The following TMEM87B variants were observed in gnomAD, a reference collection of about 807,000 sequenced individuals.
The protein encoded by TMEM87B is transmembrane protein 87B.
Under a neutral mutation model 80.3 loss-of-function variants are expected in TMEM87B, and 83 were observed. That is an observed-to-expected ratio of 1.03 (90% confidence interval 0.87 to 1.24). The LOEUF (loss-of-function observed/expected upper bound fraction) is 1.24, where lower values mean the gene tolerates loss of function less well. TMEM87B is among the 50% of genes most tolerant of loss of function. The pLI is 0.00. For missense variants in TMEM87B, 625 were observed against 674.4 expected (o/e 0.93, Z 0.81); for synonymous variants, 219 against 230.5 (o/e 0.95, Z 0.45).
chr2:112,074,855 A>G (rs1678760299), intron 4 of TMEM87B, 57 bp from the exon 5 acceptor site: 3 of 1,461,526 alleles, frequency 2.1e-6, no homozygotes, highest in Non-Finnish European at 2.7e-6. Flanking sequence ...TATTAAAACA[A>G]TTTTTCTCCG....
chr2:112,102,888 A>T (rs1248665345), intron 15 of TMEM87B, among the ~76,000 whole-genome samples: 2 of 152,148 alleles, frequency 1.3e-5, no homozygotes, highest in African/African-American at 2.4e-5. Context: ...AAGATTAGGG[A>T]TAAAGTGCAA....
intron 1 of TMEM87B, 60 bp from the exon 2 acceptor site, chr2:112,059,917 T>C: frequency 6.4e-7 from 1 of 1,567,212 alleles, no homozygotes; most frequent in Non-Finnish European, 8.7e-7. Flanking sequence ...TGTTGTGGGG[T>C]AAAACAGTTG....
intron 11 of TMEM87B, chr2:112,095,307 T>C (rs1201474830): frequency 2.0e-6 from 2 of 982,932 alleles, no homozygotes; most frequent in African/African-American, 3.5e-5. Context: ...TGGATATCCT[T>C]TTCCTACCAC....
chr2:112,065,037 C>T (rs2104457222), intron 3 of TMEM87B, among the ~76,000 whole-genome samples: 1 of 152,192 alleles, frequency 6.6e-6, no homozygotes. Context: ...TGGCTCACTC[C>T]AGCCCTGAAC....
At chr2:112,056,873 A>G (rs1678087651) in intron 1 of TMEM87B, among the ~76,000 whole-genome samples, 1 of 152,186 alleles carries the variant, frequency 6.6e-6, no homozygotes, top group Non-Finnish European at 1.5e-5. Flanking sequence ...TAATTTCCTG[A>G]ACGGGAAAAA....
At chr2:112,083,477 C>T (rs1457180924) in intron 8 of TMEM87B, among the ~76,000 whole-genome samples, 1 of 152,232 alleles carries the variant, frequency 6.6e-6, no homozygotes, top group Non-Finnish European at 1.5e-5. Flanking sequence ...CCAGTGACTG[C>T]TGTATTGGAC....
At chr2:112,064,985 A>ATC (rs1558829056) in intron 3 of TMEM87B, among the ~76,000 whole-genome samples, 1 of 152,134 alleles carries the variant, frequency 6.6e-6, no homozygotes, top group East Asian at 1.9e-4. Context: ...TACATATGAG[A>ATC]TCTCTCTCTG....
intron 5 of TMEM87B, among the ~76,000 whole-genome samples, chr2:112,076,845 TGTGTGTGTGTGTGTGTGTGTG>T (rs1678833393): frequency 1.7e-4 from 2 of 11,604 alleles, no homozygotes; most frequent in African/African-American, 1.9e-3. Flanking sequence ...TTCTGTTTTG[TGTGTGTGTGTGTGTGTGTGTG>T]TGTGTGTGTG....
At chr2:112,103,484 C>T (rs1364339424) in intron 15 of TMEM87B, among the ~76,000 whole-genome samples, 3 of 152,084 alleles carry the variant, frequency 2.0e-5, no homozygotes, top group African/African-American at 7.2e-5. Context: ...GTAGAAGATC[C>T]TTAACATTCT....
chr2:112,055,617 C>T lies in TMEM87B; in HGVS notation c.26C>T (p.Ala9Val), dbSNP rs945817316. MVAACRSV[A>V]GLLPRRRRCF... ...ATGGTCGCCGCCTGCCGCTCGGTAG[C>T]CGGGCTCCTGCCACGCCGCCGCCGC... Residue 9 changes from alanine to valine, a missense_variant, in exon 1 of 19, where the codon GCC becomes GTC. Coordinates refer to ENST00000283206, the MANE Select transcript of TMEM87B (RefSeq NM_032824.3). 31 of 1,537,520 alleles carry T rather than the reference C, an allele frequency of 2.0e-5. No homozygotes were observed. The highest frequency in any genetic ancestry group is 2.7e-5 in the Non-Finnish European group (31 of 1,144,178).
intron 4 of TMEM87B, among the ~76,000 whole-genome samples, chr2:112,068,390 CACATCAGTGT>C (rs1325553375): frequency 6.6e-6 from 1 of 152,112 alleles, no homozygotes. Context: ...CAGAAAAGTA[CACATCAGTGT>C]ACTCCTCAAT....
intron 11 of TMEM87B, 64 bp from the exon 12 acceptor site, chr2:112,096,980 G>T (rs908125664): frequency 1.8e-6 from 2 of 1,120,278 alleles, no homozygotes; most frequent in African/African-American, 1.6e-5. Context: ...CATAGTAGAA[G>T]ATTCTGTTTT....
intron 15 of TMEM87B, among the ~76,000 whole-genome samples, chr2:112,102,405 C>T (rs1239888518): frequency 6.6e-6 from 1 of 152,104 alleles, no homozygotes; most frequent in Non-Finnish European, 1.5e-5. Context: ...TAAAATAGTA[C>T]AAATAAGGCT....
intron 10 of TMEM87B, among the ~76,000 whole-genome samples, 156 bp from the exon 11 acceptor site, chr2:112,091,556 A>G (rs1679301206): frequency 6.6e-6 from 1 of 152,232 alleles, no homozygotes; most frequent in Admixed American, 6.5e-5. Context: ...GGTCATTTCC[A>G]TGTGCTTAAA....
At position 112,116,187 on chromosome 2, in the gene TMEM87B, C is replaced by T. The variant is rs749605466; in HGVS notation, c.*44C>T. ...ATGTAGTTAAGCCTGAAGGACTATC[C>T]TTCATCAAGACTGAAAGTGAGCTTT... is the stretch of plus-strand genomic sequence containing the variant. On this transcript the variant is annotated 3_prime_UTR_variant, in exon 19 of 19. Coordinates refer to ENST00000283206, the MANE Select transcript of TMEM87B (RefSeq NM_032824.3). 6.5e-7 allele frequency: 1 copy of T among 1,538,712 alleles called. No individual in the cohort carries two copies. Among genetic ancestry groups the T allele is most frequent in the Non-Finnish European group, 8.9e-7 (1 of 1,123,652 alleles).
At chr2:112,073,431 C>T (rs923762858) in intron 4 of TMEM87B, among the ~76,000 whole-genome samples, 4 of 152,260 alleles carry the variant, frequency 2.6e-5, no homozygotes, top group South Asian at 4.2e-4. Context: ...TTTTCTTAAT[C>T]TTGATTTCCA....
rs1158044437 is a variant in TMEM87B, at chr2:112,119,187, T to G, written c.*3044T>G. ...ATTTTTCTATTTTAAAAAGTTAAATTATTCCGTAATTTGGAAGAAGTTTCG... is the reference window on the plus strand; with the variant it reads ...ATTTTTCTATTTTAAAAAGTTAAATGATTCCGTAATTTGGAAGAAGTTTCG... On this transcript the variant is annotated 3_prime_UTR_variant, in exon 19 of 19. Coordinates refer to ENST00000283206, the MANE Select transcript of TMEM87B (RefSeq NM_032824.3). The G allele has an allele frequency of 6.6e-6, 1 of 152,174 alleles. No homozygotes were observed. The highest frequency in any genetic ancestry group is 1.5e-5 in the Non-Finnish European group (1 of 67,998). The allele number at this position is 152,174 out of a possible 1,614,324, so 9.4% of individuals were successfully genotyped here. A position where few individuals can be genotyped will look rare whatever the true frequency, so the allele number is the denominator to read the frequency against.
rs1679957422 is a variant in TMEM87B, at chr2:112,112,893, T to C, written c.1578-6T>C. On this transcript the variant is annotated splice_polypyrimidine_tract_variant and splice_region_variant and intron_variant, in intron 17 of 18. Coordinates refer to ENST00000283206, the MANE Select transcript of TMEM87B (RefSeq NM_032824.3). ...CATTATCACCTTTTTTTCCCTTTTA[T>C]TTCAGAGCTCTTCCAGTGTTAGTGG... 1 of 1,612,934 alleles carries C rather than the reference T, an allele frequency of 6.2e-7. No individual in the cohort carries two copies. The highest frequency in any genetic ancestry group is 8.5e-7 in the Non-Finnish European group (1 of 1,179,366).
At chr2:112,113,275 C>G (rs1679970622) in intron 18 of TMEM87B, among the ~76,000 whole-genome samples, 1 of 151,984 alleles carries the variant, frequency 6.6e-6, no homozygotes, top group African/African-American at 2.4e-5. Context: ...ATTTACTAAG[C>G]AGGAAATTTG....
Sources: gnomAD v4.1 joint callset for allele counts (sites outside exome capture counted in the v4.1 genomes callset) on GRCh38, gnomAD v4.1.1 for gene constraint, MANE v1.5 for transcripts, NCBI Gene and HGNC (gene_info 2026-07-23, HGNC 2026-07-21) for gene names.